SEC24B: variants seen among roughly 807,000 people sequenced by gnomAD.
SEC24B encodes SEC24 homolog B, COPII component.
A neutral mutation model predicts 142.8 loss-of-function variants in SEC24B; 45 were observed. That is an observed-to-expected ratio of 0.32 (90% CI 0.25 to 0.40). The LOEUF (loss-of-function observed/expected upper bound fraction) is 0.40. SEC24B is among the 10% of genes least tolerant of loss of function. SEC24B has a pLI of 1.00. For synonymous variants in SEC24B, 574 were observed against 568.2 expected (o/e 1.01, Z -0.15); for missense variants, 1,409 against 1,526.8 (o/e 0.92, Z 1.29).
chr4:109,454,234 G>C (rs1378080074), intron 1 of SEC24B, among the ~76,000 whole-genome samples: 1 of 151,704 alleles, frequency 6.6e-6, no homozygotes, highest in East Asian at 1.9e-4. Flanking sequence ...AGGTAATGTT[G>C]AGGCTCAGAA....
chr4:109,518,518 T>A (rs1251029355), intron 11 of SEC24B, among the ~76,000 whole-genome samples: 1 of 152,208 alleles, frequency 6.6e-6, no homozygotes, highest in African/African-American at 2.4e-5. Context: ...CCTTGCCCTG[T>A]TGAATGCTAC....
chr4:109,464,013 G>T (rs1731593089), intron 2 of SEC24B, among the ~76,000 whole-genome samples: 1 of 152,138 alleles, frequency 6.6e-6, no homozygotes, highest in African/African-American at 2.4e-5. Flanking sequence ...TGGGACAGTT[G>T]TTTTTTTAGC....
At chr4:109,495,582 T>G (rs1735456598) in intron 6 of SEC24B, among the ~76,000 whole-genome samples, 1 of 152,208 alleles carries the variant, frequency 6.6e-6, no homozygotes. Flanking sequence ...AGGCAATGTC[T>G]TATTTACCTA....
intron 6 of SEC24B, among the ~76,000 whole-genome samples, chr4:109,496,528 C>T (rs1735561787): frequency 6.6e-6 from 1 of 152,102 alleles, no homozygotes; most frequent in South Asian, 2.1e-4. Context: ...ATAGGATAAT[C>T]AGTGAGGAGT....
chr4:109,485,310 C>T (rs1457655722), intron 4 of SEC24B, among the ~76,000 whole-genome samples: 5 of 152,174 alleles, frequency 3.3e-5, no homozygotes, highest in Non-Finnish European at 5.9e-5. Context: ...GCAGCCTGAA[C>T]ATATTAAGTA....
chr4:109,455,308 G>A (rs1730550938), intron 1 of SEC24B, among the ~76,000 whole-genome samples: 1 of 151,584 alleles, frequency 6.6e-6, no homozygotes, highest in Admixed American at 6.6e-5. Context: ...GGTGTGTGGT[G>A]GTGCGATCTT....
chr4:109,507,165 A>G (rs1736774126), intron 7 of SEC24B, among the ~76,000 whole-genome samples: 1 of 151,952 alleles, frequency 6.6e-6, no homozygotes, highest in Non-Finnish European at 1.5e-5. Context: ...TATCCTATGA[A>G]TAGGATATCC....
chr4:109,469,909 A>T (rs1050554769), intron 2 of SEC24B, among the ~76,000 whole-genome samples: 1 of 152,262 alleles, frequency 6.6e-6, no homozygotes, highest in African/African-American at 2.4e-5. Flanking sequence ...CCCAGAATAT[A>T]CAAGTGCTGC....
chr4:109,530,639 C>T (rs1295251907), intron 19 of SEC24B, among the ~76,000 whole-genome samples, 175 bp downstream of exon 19: 4 of 152,058 alleles, frequency 2.6e-5, no homozygotes, highest in South Asian at 2.1e-4. Context: ...TGGTGGCTCA[C>T]GCCTGTAATC....
chr4:109,480,578 A>G (rs1180282692), intron 3 of SEC24B, among the ~76,000 whole-genome samples: 1 of 152,082 alleles, frequency 6.6e-6, no homozygotes, highest in Non-Finnish European at 1.5e-5. Flanking sequence ...GCCTCCCAGC[A>G]GAGGCGATTC....
intron 7 of SEC24B, among the ~76,000 whole-genome samples, chr4:109,507,272 GTCT>G (rs1415892562): frequency 2.0e-5 from 3 of 148,218 alleles, no homozygotes; most frequent in East Asian, 3.9e-4. Flanking sequence ...GAACAACATT[GTCT>G]TCCTTTTTTT....
At chr4:109,521,348 T>A in intron 13 of SEC24B, 72 bp from the exon 14 acceptor site, 1 of 1,312,432 alleles carries the variant, frequency 7.6e-7, no homozygotes, top group Non-Finnish European at 1.1e-6. Context: ...CATGATACAC[T>A]ATGGAATGTT....
intron 2 of SEC24B, among the ~76,000 whole-genome samples, chr4:109,464,175 G>A (rs894989710): frequency 5.3e-5 from 8 of 152,192 alleles, no homozygotes; most frequent in Non-Finnish European, 8.8e-5. Flanking sequence ...CTGAAAGATG[G>A]GGAAGGGAAA....
chr4:109,494,988 A>G (rs1054389077), intron 6 of SEC24B, 132 bp downstream of exon 6: 8 of 1,016,202 alleles, frequency 7.9e-6, no homozygotes, highest in African/African-American at 1.6e-5. Flanking sequence ...TCAAACATAC[A>G]TAGAATTTGA....
At chr4:109,515,576 C>A (rs1185297050) in intron 10 of SEC24B, among the ~76,000 whole-genome samples, 1 of 152,098 alleles carries the variant, frequency 6.6e-6, no homozygotes, top group African/African-American at 2.4e-5. Flanking sequence ...AATCCACCTA[C>A]CTTGGCTTCC....
chr4:109,488,412 A>G lies in SEC24B; in HGVS notation c.1166-2915A>G, dbSNP rs1287729757. Among the ~76,000 whole-genome samples the G allele has an allele frequency of 2.0e-5, 3 of 152,168 alleles. No homozygotes were observed. In the East Asian group the frequency reaches 5.8e-4, roughly 29 times the overall value. ...TCTTTCTTTTAACATAATGTTTTCA[A>G]GGTTCATCCACATTATGGCATATGT... On this transcript the variant is annotated intron_variant, in intron 4 of 23. Coordinates refer to ENST00000265175, the MANE Select transcript of SEC24B (RefSeq NM_006323.5).
Position 109,516,516 on chromosome 4 carries a change from T to C in SEC24B, c.2014-12T>C. ...CCTACCAAATAACTTACTTTATTTT[T>C]ATTCCTTTCAGCTGCGTCCTCCTCA... On this transcript the variant is annotated splice_polypyrimidine_tract_variant and intron_variant, in intron 10 of 23. Coordinates refer to ENST00000265175, the MANE Select transcript of SEC24B (RefSeq NM_006323.5). The C allele has an allele frequency of 2.6e-6, 4 of 1,533,900 alleles. No homozygotes were observed. The highest frequency in any genetic ancestry group is 3.6e-6 in the Non-Finnish European group (4 of 1,118,680).
At chr4:109,506,674 C>T (rs1397707224) in intron 7 of SEC24B, among the ~76,000 whole-genome samples, 162 bp downstream of exon 7, 1 of 152,138 alleles carries the variant, frequency 6.6e-6, no homozygotes, top group Non-Finnish European at 1.5e-5. Flanking sequence ...TAGGTCATCT[C>T]TTTTTGTTCC....
At chr4:109,528,443 A>AG (rs1229290008) in intron 18 of SEC24B, among the ~76,000 whole-genome samples, 1 of 152,036 alleles carries the variant, frequency 6.6e-6, no homozygotes, top group Non-Finnish European at 1.5e-5. Context: ...AAAAAAAAAA[A>AG]AAAAGCTACA....
Sources: gnomAD v4.1 joint callset for allele counts (sites outside exome capture counted in the v4.1 genomes callset) on GRCh38, gnomAD v4.1.1 for gene constraint, MANE v1.5 for transcripts, NCBI Gene and HGNC (gene_info 2026-07-23, HGNC 2026-07-21) for gene names.